SNX18: variants seen among roughly 807,000 people sequenced by gnomAD.
The protein encoded by SNX18 is sorting nexin-18.
In SNX18, 35 loss-of-function variants were observed where a neutral mutation model predicts 48.7. That is an observed-to-expected ratio of 0.72 (90% CI 0.55 to 0.95). The LOEUF (loss-of-function observed/expected upper bound fraction) is 0.95, where lower values mean the gene tolerates loss of function less well. Among genes scored for constraint, SNX18 ranks in the 40% least tolerant of loss-of-function variants. The pLI, the probability that SNX18 is intolerant of heterozygous loss-of-function variation, is 0.00. For synonymous variants in SNX18, 492 were observed against 384.7 expected, an observed-to-expected ratio of 1.28 and a Z score of -3.26; for missense variants, 824 against 871.0, an observed-to-expected ratio of 0.95 and a Z score of 0.68.
chr5:54,519,612 T>C (rs1761971146), intron 1 of SNX18, 39 bp downstream of exon 1: 1 of 1,614,138 alleles, frequency 6.2e-7, no homozygotes, highest in African/African-American at 1.3e-5. Context: ...ATGGAGTGTA[T>C]TGTGCAGGCT....
Position 54,518,156 on chromosome 5 carries a change from A to G in SNX18, c.204A>G (p.Gly68=). The change falls in exon 1 of 2, where the codon GGA becomes GGG. Residue 68 remains glycine, a synonymous_variant. Transcript: ENST00000381410. ...GCGCCCCCGAGCCTGGCCCGGCGGG[A>G]GACGGCGGCCCGGGCGCCCCGGCCC... ...VIRAPEPGPA[G]DGGPGAPARY... is the part of the protein sequence containing the mutation. 7.2e-7 allele frequency: 1 copy of G among 1,392,298 alleles called. No homozygotes were observed. The highest frequency in any genetic ancestry group is 1.6e-5 in the South Asian group (1 of 62,826). 86.2% of individuals were successfully genotyped at this position (1,392,298 alleles called of 1,614,324 possible).
chr5:54,530,744 AT>A (rs70986692), intron 1 of SNX18, among the ~76,000 whole-genome samples: 17 of 72,508 alleles, frequency 2.3e-4, no homozygotes, highest in South Asian at 1.3e-3. Flanking sequence ...AACCACAGAA[AT>A]TTTTTTTTTT....
chr5:54,638,004 A>ATT, the SNX18 span, among the ~76,000 whole-genome samples: 1 of 152,136 alleles, frequency 6.6e-6, no homozygotes, highest in African/African-American at 2.4e-5. Flanking sequence ...AGAGAGAGAG[A>ATT]GAGAGAGAGA....
At chr5:54,607,165 C>A in the SNX18 span, among the ~76,000 whole-genome samples, 1 of 152,168 alleles carries the variant, frequency 6.6e-6, no homozygotes, top group Admixed American at 6.5e-5. Context: ...TTATACCCCA[C>A]TCTTCTCATT....
intron 1 of SNX18, among the ~76,000 whole-genome samples, chr5:54,526,278 T>A (rs1165070476): frequency 2.6e-5 from 4 of 152,134 alleles, no homozygotes; most frequent in Non-Finnish European, 2.9e-5. Context: ...CTAACTTTTT[T>A]ATTTTTTTTA....
At chr5:54,570,007 G>C in the SNX18 span, among the ~76,000 whole-genome samples, 3 of 152,226 alleles carry the variant, frequency 2.0e-5, no homozygotes, top group African/African-American at 7.2e-5. Context: ...GCAGAAATGT[G>C]TCCAAGTCCT....
At chr5:54,642,679 A>T in the SNX18 span, among the ~76,000 whole-genome samples, 1 of 152,226 alleles carries the variant, frequency 6.6e-6, no homozygotes. Context: ...AAGTTAGTAT[A>T]ATATCTAGCG....
chr5:54,584,870 C>T, the SNX18 span, among the ~76,000 whole-genome samples: 1 of 152,188 alleles, frequency 6.6e-6, no homozygotes, highest in Non-Finnish European at 1.5e-5. Flanking sequence ...GGAAATGCCT[C>T]AGTGTTATCC....
At chr5:54,533,197 A>G (rs1385081120) in intron 1 of SNX18, among the ~76,000 whole-genome samples, 1 of 152,022 alleles carries the variant, frequency 6.6e-6, no homozygotes, top group Non-Finnish European at 1.5e-5. Flanking sequence ...CATTTATTAT[A>G]TTTATGAATT....
chr5:54,593,986 A>G, the SNX18 span, among the ~76,000 whole-genome samples: 3 of 152,252 alleles, frequency 2.0e-5, no homozygotes, highest in Non-Finnish European at 4.4e-5. Context: ...CTAGAGAGGC[A>G]ACAGAGGCAT....
At chr5:54,625,743 T>C in the SNX18 span, among the ~76,000 whole-genome samples, 1 of 152,164 alleles carries the variant, frequency 6.6e-6, no homozygotes, top group Non-Finnish European at 1.5e-5. Flanking sequence ...TCATCTGGAA[T>C]ATTCCATTTC....
At chr5:54,572,234 A>G in the SNX18 span, among the ~76,000 whole-genome samples, 1 of 152,122 alleles carries the variant, frequency 6.6e-6, no homozygotes, top group African/African-American at 2.4e-5. Context: ...GCAAAGCTCT[A>G]TCCTTTTCTG....
the SNX18 span, among the ~76,000 whole-genome samples, chr5:54,615,474 C>T: frequency 6.6e-6 from 1 of 152,196 alleles, no homozygotes; most frequent in Non-Finnish European, 1.5e-5. Flanking sequence ...ATGTTCTACC[C>T]TTGCCCCCTC....
the SNX18 span, among the ~76,000 whole-genome samples, chr5:54,577,855 C>A: frequency 8.5e-5 from 13 of 152,306 alleles, no homozygotes; most frequent in East Asian, 2.5e-3. Context: ...GCTATAACAC[C>A]ACATGGTGGT....
At chr5:54,520,878 G>A (rs746932210) in intron 1 of SNX18, 7 of 167,096 alleles carry the variant, frequency 4.2e-5, no homozygotes, top group African/African-American at 1.4e-4. Context: ...CTGGACATCA[G>A]TACTAATTTT....
At chr5:54,583,358 G>A in the SNX18 span, among the ~76,000 whole-genome samples, 1 of 152,186 alleles carries the variant, frequency 6.6e-6, no homozygotes, top group Admixed American at 6.5e-5. Flanking sequence ...TGAAAACATT[G>A]AGCATGGAAG....
the SNX18 span, among the ~76,000 whole-genome samples, chr5:54,562,163 C>T: frequency 7.9e-5 from 12 of 152,114 alleles, no homozygotes; most frequent in Admixed American, 2.0e-4. Context: ...TCTTTGCGGG[C>T]GGGCACAAAA....
intron 1 of SNX18, among the ~76,000 whole-genome samples, chr5:54,526,052 A>G (rs938188057): frequency 6.6e-6 from 1 of 152,164 alleles, no homozygotes; most frequent in Admixed American, 6.5e-5. Flanking sequence ...GGTATGGTAG[A>G]CAGCTGGAGC....
intron 1 of SNX18, among the ~76,000 whole-genome samples, chr5:54,532,859 A>T (rs1178998177): frequency 6.6e-6 from 1 of 152,222 alleles, no homozygotes; most frequent in Admixed American, 6.5e-5. Context: ...AAACTGTATG[A>T]CTATATATGC....
Sources: gnomAD v4.1 joint callset for allele counts (sites outside exome capture counted in the v4.1 genomes callset) on GRCh38, gnomAD v4.1.1 for gene constraint, MANE v1.5 for transcripts, NCBI Gene and HGNC (gene_info 2026-07-23, HGNC 2026-07-21) for gene names.